The following CTNNA3 variants were observed in gnomAD, a reference collection of about 807,000 sequenced individuals.
CTNNA3 encodes the protein catenin alpha-3.
In CTNNA3, 76 loss-of-function variants were observed where a neutral mutation model predicts 95.7. That is an observed-to-expected ratio of 0.79 (90% CI 0.66 to 0.96). CTNNA3 has a LOEUF of 0.96. Among genes scored for constraint, CTNNA3 ranks in the 40% least tolerant of loss-of-function variants. CTNNA3 has a pLI of 0.00. For synonymous variants in CTNNA3, 431 were observed against 374.4 expected, an observed-to-expected ratio of 1.15 and a Z score of -1.74; for missense variants, 1,191 against 1,089.8, an observed-to-expected ratio of 1.09 and a Z score of -1.31.
At chr10:67,403,496 G>T (rs1281208316) in intron 5 of CTNNA3, 1 of 152,482 alleles carries the variant, frequency 6.6e-6, no homozygotes, top group Non-Finnish European at 1.5e-5. Context: ...TGCTGGGCAG[G>T]TCCTCCCAAC....
At chr10:66,166,498 CAAAAAAA>C (rs35165850) in intron 13 of CTNNA3, among the ~76,000 whole-genome samples, 3 of 105,206 alleles carry the variant, frequency 2.9e-5, no homozygotes, top group South Asian at 3.1e-4. Context: ...CAGTCTGTCT[CAAAAAAA>C]AAAAAAAAAA....
chr10:66,102,623 G>A (rs897457920), intron 14 of CTNNA3, among the ~76,000 whole-genome samples: 4 of 152,138 alleles, frequency 2.6e-5, no homozygotes, highest in African/African-American at 7.2e-5. Context: ...CACTGGGTGG[G>A]AGTAAAGTGA....
At chr10:66,163,250 TAC>T (rs1385295481) in intron 13 of CTNNA3, among the ~76,000 whole-genome samples, 3 of 152,080 alleles carry the variant, frequency 2.0e-5, no homozygotes, top group African/African-American at 7.2e-5. Flanking sequence ...TTCAAATTTT[TAC>T]AAAGTTCCGT....
intron 7 of CTNNA3, among the ~76,000 whole-genome samples, chr10:66,912,969 G>A (rs1846284743): frequency 6.6e-6 from 1 of 152,088 alleles, no homozygotes; most frequent in Non-Finnish European, 1.5e-5. Context: ...GCCGGGCGCG[G>A]TGGCTCATGC....
intron 2 of CTNNA3, among the ~76,000 whole-genome samples, chr10:67,646,673 TTCTTTGAGTCCCTAG>T (rs1839724100): frequency 6.6e-6 from 1 of 151,948 alleles, no homozygotes; most frequent in Admixed American, 6.6e-5. Flanking sequence ...AACCCTTGGG[TTCTTTGAGTCCCTAG>T]GAAAAGGGAC....
chr10:67,651,932 AAGAAT>A (rs1459483473), intron 1 of CTNNA3, among the ~76,000 whole-genome samples: 1 of 152,238 alleles, frequency 6.6e-6, no homozygotes, highest in African/African-American at 2.4e-5. Context: ...TGTTGAAAAT[AAGAAT>A]ATTTGCTCTT....
chr10:66,199,221 G>T (rs969100508), intron 13 of CTNNA3, among the ~76,000 whole-genome samples: 1 of 152,004 alleles, frequency 6.6e-6, no homozygotes, highest in African/African-American at 2.4e-5. Flanking sequence ...TTAGCATAGA[G>T]CTAGTGGAAA....
intron 17 of CTNNA3, among the ~76,000 whole-genome samples, chr10:65,928,195 G>A (rs2077196637): frequency 6.6e-6 from 1 of 152,086 alleles, no homozygotes; most frequent in African/African-American, 2.4e-5. Context: ...GTAATGTGCA[G>A]TACATTTTTT....
chr10:66,527,232 A>G (rs1007686229), intron 10 of CTNNA3, among the ~76,000 whole-genome samples: 1 of 152,134 alleles, frequency 6.6e-6, no homozygotes, highest in South Asian at 2.1e-4. Flanking sequence ...TTGACTGTAA[A>G]TGCAAGGGTT....
intron 5 of CTNNA3, among the ~76,000 whole-genome samples, chr10:67,468,019 TC>T (rs1847667083): frequency 6.6e-6 from 1 of 151,782 alleles, no homozygotes; most frequent in Admixed American, 6.6e-5. Context: ...CCTCCAACTT[TC>T]TTTTTTTTTT....
At chr10:66,808,435 T>C (rs1384606493) in intron 7 of CTNNA3, among the ~76,000 whole-genome samples, 1 of 152,196 alleles carries the variant, frequency 6.6e-6, no homozygotes, top group Non-Finnish European at 1.5e-5. Context: ...GTAAAGCACC[T>C]GAGACTCTGA....
intron 7 of CTNNA3, among the ~76,000 whole-genome samples, chr10:66,985,025 A>G (rs923416579): frequency 6.6e-6 from 1 of 152,174 alleles, no homozygotes; most frequent in African/African-American, 2.4e-5. Flanking sequence ...TTCTACAAAC[A>G]TACAGAGCTC....
At chr10:67,252,432 G>A (rs1289744796) in intron 5 of CTNNA3, among the ~76,000 whole-genome samples, 1 of 151,996 alleles carries the variant, frequency 6.6e-6, no homozygotes, top group Non-Finnish European at 1.5e-5. Flanking sequence ...ACATACCTAT[G>A]ATAAATTTTA....
intron 12 of CTNNA3, among the ~76,000 whole-genome samples, chr10:66,326,095 G>A (rs1217008966): frequency 2.0e-5 from 3 of 152,110 alleles, no homozygotes; most frequent in Admixed American, 6.5e-5. Flanking sequence ...ACTAATACAA[G>A]TGCAGAGTGC....
chr10:66,205,702 A>C (rs7898589), intron 13 of CTNNA3, among the ~76,000 whole-genome samples: 6,369 of 152,038 alleles, frequency 0.042, 166 homozygotes, highest in African/African-American at 0.047. Flanking sequence ...ATGTATGTTA[A>C]TTGATGCATA....
At chr10:67,346,975 C>A (rs1318254511) in intron 5 of CTNNA3, among the ~76,000 whole-genome samples, 2 of 151,892 alleles carry the variant, frequency 1.3e-5, no homozygotes, top group African/African-American at 2.4e-5. Context: ...CAGAATCACT[C>A]TAATGAGTTA....
At chr10:66,723,418 G>T (rs754798138) in intron 9 of CTNNA3, among the ~76,000 whole-genome samples, 1 of 151,848 alleles carries the variant, frequency 6.6e-6, no homozygotes, top group Non-Finnish European at 1.5e-5. Flanking sequence ...ACTCTAAATT[G>T]TACCCTTGTG....
chr10:67,407,206 A>G (rs1460592355), intron 5 of CTNNA3, among the ~76,000 whole-genome samples: 1 of 152,204 alleles, frequency 6.6e-6, no homozygotes. Flanking sequence ...AGCACATCAA[A>G]AAGCTTATCT....
chr10:66,437,287 C>T (rs1396531685), intron 11 of CTNNA3, among the ~76,000 whole-genome samples: 1 of 152,140 alleles, frequency 6.6e-6, no homozygotes, highest in Non-Finnish European at 1.5e-5. Context: ...GCGTGTTTTC[C>T]AACTTGGTTC....
Sources: allele counts gnomAD v4.1 joint callset (sites outside exome capture counted in the v4.1 genomes callset), GRCh38; gene constraint gnomAD v4.1.1; transcripts MANE v1.5; gene names NCBI Gene and HGNC (gene_info 2026-07-23, HGNC 2026-07-21).